The following TICAM2 variants were observed in gnomAD, a reference collection of about 807,000 sequenced individuals.
TICAM2 encodes TIR domain containing adaptor molecule 2, also known as TIR domain-containing adapter molecule 2.
In TICAM2, 8 loss-of-function variants were observed where a neutral mutation model predicts 7.3. The observed-to-expected ratio is 1.10, with a 90% CI of 0.65 to 1.99. TICAM2 has a LOEUF of 1.99. Ranked by LOEUF, TICAM2 falls within the 30% of genes most tolerant of loss-of-function variation. The probability of loss-of-function intolerance (pLI) is 0.00; values close to 1 mark genes in which losing one functional copy is unlikely to be tolerated. For synonymous variants in TICAM2, 113 were observed against 99.6 expected (o/e 1.13, Z -0.80); for missense variants, 304 against 278.8 (o/e 1.09, Z -0.65).
chr5:115,582,798 C>T (rs1200494898), intron 1 of TICAM2, among the ~76,000 whole-genome samples: 2 of 152,182 alleles, frequency 1.3e-5, no homozygotes, highest in African/African-American at 4.8e-5. Context: ...AGTAACATGG[C>T]TACATATGCC....
At chr5:115,595,297 G>A (rs747602005) in intron 1 of TICAM2, among the ~76,000 whole-genome samples, 10 of 152,010 alleles carry the variant, frequency 6.6e-5, no homozygotes, top group East Asian at 1.9e-4. Context: ...CGATTACGAC[G>A]GAAACCTACA....
Position 115,581,168 on chromosome 5 carries a change from T to C in TICAM2, c.89A>G (p.His30Arg), listed in dbSNP as rs1376707562. 2.5e-6 allele frequency: 4 copies of C among 1,613,878 alleles called. No individual in the cohort carries two copies. The highest frequency in any genetic ancestry group is 2.2e-5 in the East Asian group (1 of 44,884). ...RHSVDTSPGYHESDSKKSEDL... is the reference protein window; with the variant it reads ...RHSVDTSPGYRESDSKKSEDL... ...TTCAGACTTCTTGGAATCTGACTCA[T>C]GATATCCTGGACTTGTATCCACACT... The change falls in exon 2 of 2, where the codon CAT (histidine) becomes CGT (arginine). Residue 30 changes from histidine to arginine, a missense_variant. His to Arg is a conservative substitution (Grantham distance 29, BLOSUM62 0). Transcript: ENST00000427199.
At chr5:115,581,347 TA>T (rs777063125) in intron 1 of TICAM2, 32 bp from the exon 2 acceptor site, 1 of 1,544,784 alleles carries the variant, frequency 6.5e-7, no homozygotes, top group Admixed American at 2.0e-5. Context: ...AAGAATATTA[TA>T]AATTTAATCA....
rs530156473 is a variant in TICAM2, at chr5:115,578,823, G to A, written c.*1726C>T. On this transcript the variant is annotated 3_prime_UTR_variant, in exon 2 of 2. Coordinates refer to ENST00000427199, the MANE Select transcript of TICAM2 (RefSeq NM_021649.7). ...GAAAACTGAAAAAGAGAAGTGAGTA[G>A]TAAGCTACTATCAGAACGTTAAGGC... 1.3e-5 allele frequency: 2 copies of A among 152,252 alleles called. No individual in the cohort carries two copies. The highest frequency in any genetic ancestry group is 1.3e-4 in the Admixed American group (2 of 15,296). 9.4% of individuals were successfully genotyped at this position (152,252 alleles called of 1,614,324 possible).
At position 115,581,049 on chromosome 5, in the gene TICAM2, C is replaced by G; in HGVS notation, c.208G>C (p.Glu70Gln). ...EGAQSVEEMF[E>Q]EEAEEEVFLK... Reference sequence around the variant, plus strand: ...AACACCTCTTCTTCAGCTTCTTCTTCAAACATCTCTTCCACGCTCTGAGCT... The same window carrying G: ...AACACCTCTTCTTCAGCTTCTTCTTGAAACATCTCTTCCACGCTCTGAGCT... The change falls in exon 2 of 2, where the codon GAA becomes CAA. Residue 70 changes from glutamate (E) to glutamine (Q), a missense_variant. Transcript: ENST00000427199. 1 of 1,614,186 alleles carries G rather than the reference C, an allele frequency of 6.2e-7. No homozygotes were observed. The highest frequency in any genetic ancestry group is 8.5e-7 in the Non-Finnish European group (1 of 1,180,036).
intron 1 of TICAM2, among the ~76,000 whole-genome samples, chr5:115,588,996 C>G (rs1436260497): frequency 1.3e-5 from 2 of 152,304 alleles, no homozygotes; most frequent in South Asian, 2.1e-4. Context: ...TAAGACACAC[C>G]TTTCTACTTA....
intron 1 of TICAM2, among the ~76,000 whole-genome samples, chr5:115,587,744 A>G (rs1755159742): frequency 6.6e-6 from 1 of 152,186 alleles, no homozygotes; most frequent in African/African-American, 2.4e-5. Context: ...TTGGGTGCCC[A>G]TGGCTTCCAA....
intron 1 of TICAM2, among the ~76,000 whole-genome samples, chr5:115,587,580 T>C (rs1456586372): frequency 2.6e-5 from 4 of 152,150 alleles, no homozygotes; most frequent in African/African-American, 2.4e-5. Flanking sequence ...GTGGAGGTAA[T>C]GGGGATGGCA....
intron 1 of TICAM2, among the ~76,000 whole-genome samples, chr5:115,599,594 C>A (rs1042566984): frequency 6.6e-6 from 1 of 152,140 alleles, no homozygotes. Flanking sequence ...TAATAGCAAC[C>A]TACCGCACAG....
Position 115,580,460 on chromosome 5 carries a change from T to C in TICAM2, c.*89A>G, listed in dbSNP as rs1462247492. On this transcript the variant is annotated 3_prime_UTR_variant, in exon 2 of 2. Transcript: ENST00000427199. ...CTTTAAGGTGAAGACTCTCTTTTAT[T>C]TAAACATTTCCTAGAAACTGCTTTC... is the stretch of plus-strand genomic sequence containing the variant. The C allele has an allele frequency of 5.0e-6, 7 of 1,406,100 alleles. No individual in the cohort carries two copies. The highest frequency in any genetic ancestry group is 1.5e-5 in the African/African-American group (1 of 67,222). The allele number at this position is 1,406,100 out of a possible 1,614,324, so 87.1% of individuals were successfully genotyped here.
At chr5:115,598,211 A>G (rs1755585717) in intron 1 of TICAM2, among the ~76,000 whole-genome samples, 1 of 152,164 alleles carries the variant, frequency 6.6e-6, no homozygotes, top group Admixed American at 6.5e-5. Context: ...TCTAAATAGT[A>G]TCTTCCTTAT....
At chr5:115,581,975 T>C (rs1296353405) in intron 1 of TICAM2, 1 of 152,120 alleles carries the variant, frequency 6.6e-6, no homozygotes, top group Non-Finnish European at 1.5e-5. Flanking sequence ...AGAAATATCT[T>C]TTTCCAACGA....
chr5:115,593,121 C>T (rs879713081), intron 1 of TICAM2, among the ~76,000 whole-genome samples: 5 of 152,012 alleles, frequency 3.3e-5, no homozygotes, highest in Admixed American at 6.6e-5. Context: ...CTAGCCTGGG[C>T]GAGAGAATGA....
intron 1 of TICAM2, 168 bp downstream of exon 1, chr5:115,601,928 GC>G (rs1055188955): frequency 3.9e-5 from 6 of 152,234 alleles, no homozygotes; most frequent in Admixed American, 6.5e-5. Flanking sequence ...GGAAAGGCCT[GC>G]CCGCCCCGCT....
In TICAM2 at chr5:115,579,006, A is replaced by AGGGGATATACAAGTGG. The variant is rs1754820441; in HGVS notation, c.*1527_*1542dup. On this transcript the variant is annotated 3_prime_UTR_variant, in exon 2 of 2. Transcript: ENST00000427199. The stretch of plus-strand genomic sequence containing the variant: ...GATGTGTGCAGATCCCGGTACTGGT[A>AGGGGATATACAAGTGG]GGGGATATACAAGTGGGGAATAAGA... 2 of 152,608 alleles carry AGGGGATATACAAGTGG rather than the reference A, an allele frequency of 1.3e-5. No individual in the cohort carries two copies. The highest frequency in any genetic ancestry group is 4.8e-5 in the African/African-American group (2 of 41,432). 9.5% of individuals were successfully genotyped at this position (152,608 alleles called of 1,614,324 possible). A position where few individuals can be genotyped will look rare whatever the true frequency, so the allele number is the denominator to read the frequency against.
chr5:115,588,736 T>C (rs998739022), intron 1 of TICAM2, among the ~76,000 whole-genome samples: 2 of 152,244 alleles, frequency 1.3e-5, no homozygotes, highest in African/African-American at 4.8e-5. Flanking sequence ...CAGATGTACT[T>C]ACACGTCTGA....
intron 1 of TICAM2, among the ~76,000 whole-genome samples, chr5:115,597,383 C>T (rs1306952407): frequency 6.6e-6 from 1 of 152,132 alleles, no homozygotes; most frequent in Non-Finnish European, 1.5e-5. Context: ...CTTGTACAAT[C>T]ATAAGCTAGT....
chr5:115,598,505 A>T (rs1755595320), intron 1 of TICAM2, among the ~76,000 whole-genome samples: 1 of 152,180 alleles, frequency 6.6e-6, no homozygotes, highest in Non-Finnish European at 1.5e-5. Flanking sequence ...TCACCTGGGC[A>T]CTGCTTTTTC....
chr5:115,593,179 T>C (rs745622434), intron 1 of TICAM2, among the ~76,000 whole-genome samples: 39 of 152,266 alleles, frequency 2.6e-4, no homozygotes, highest in Non-Finnish European at 2.6e-4. Context: ...AGTAATCACA[T>C]TGACAATTAA....
Sources: gnomAD v4.1 joint callset for allele counts (sites outside exome capture counted in the v4.1 genomes callset) on GRCh38, gnomAD v4.1.1 for gene constraint, MANE v1.5 for transcripts, NCBI Gene and HGNC (gene_info 2026-07-23, HGNC 2026-07-21) for gene names.